The following LOC102723971 variants were observed in gnomAD, a reference collection of about 807,000 sequenced individuals.
At chr9:135,614,926 G>A in the LOC102723971 span, among the ~76,000 whole-genome samples, 7 of 152,278 alleles carry the variant, frequency 4.6e-5, no homozygotes, top group Non-Finnish European at 7.4e-5. Context: ...GGGGTGCAGG[G>A]CTGAGGGAAG....
the LOC102723971 span, chr9:135,616,874 G>C: frequency 2.5e-6 from 1 of 398,564 alleles, no homozygotes; most frequent in Non-Finnish European, 4.4e-6. Context: ...GAGGAGAGAG[G>C]CATCGTGCAT....
chr9:135,614,850 A>G, the LOC102723971 span, among the ~76,000 whole-genome samples: 13 of 152,022 alleles, frequency 8.6e-5, 1 homozygote, highest in East Asian at 1.9e-3. Flanking sequence ...GACACCCGGC[A>G]CAGCACCAGA....
the LOC102723971 span, chr9:135,614,376 G>C: frequency 2.5e-6 from 1 of 395,964 alleles, no homozygotes; most frequent in Non-Finnish European, 4.4e-6. Flanking sequence ...CCAGTCCCCA[G>C]ACTCAGGCCT....
the LOC102723971 span, among the ~76,000 whole-genome samples, chr9:135,615,020 G>A: frequency 6.6e-6 from 1 of 152,202 alleles, no homozygotes; most frequent in African/African-American, 2.4e-5. Context: ...AGTAAGCACA[G>A]CTTATCCTCC....
the LOC102723971 span, among the ~76,000 whole-genome samples, chr9:135,619,704 G>A: frequency 4.8e-4 from 73 of 152,104 alleles, no homozygotes; most frequent in African/African-American, 1.6e-3. Context: ...GAAGGGCGGC[G>A]CCCACTTCTG....
chr9:135,616,355 C>A, the LOC102723971 span, among the ~76,000 whole-genome samples: 3 of 152,332 alleles, frequency 2.0e-5, no homozygotes, highest in East Asian at 5.8e-4. Flanking sequence ...CCATCCCCAG[C>A]ACCCCCTGGG....
chr9:135,618,060 C>G, the LOC102723971 span: 23 of 398,588 alleles, frequency 5.8e-5, no homozygotes, highest in South Asian at 1.3e-4. Context: ...CACTGTCCCC[C>G]AGCCACATCC....
chr9:135,619,177 C>T, the LOC102723971 span, among the ~76,000 whole-genome samples: 2 of 152,146 alleles, frequency 1.3e-5, no homozygotes, highest in African/African-American at 2.4e-5. Flanking sequence ...TCCCTCTGTG[C>T]GTCTCCAGGT....
the LOC102723971 span, among the ~76,000 whole-genome samples, chr9:135,614,795 G>T: frequency 2.6e-5 from 4 of 152,070 alleles, no homozygotes; most frequent in African/African-American, 9.7e-5. Flanking sequence ...TCCCTGTGTG[G>T]CCCCTGGGGT....
chr9:135,614,547 G>A, the LOC102723971 span, among the ~76,000 whole-genome samples: 1 of 152,166 alleles, frequency 6.6e-6, no homozygotes, highest in Non-Finnish European at 1.5e-5. Context: ...CGCGCAGCCA[G>A]CACCAGCGGC....
the LOC102723971 span, chr9:135,616,939 TC>T: frequency 2.5e-6 from 1 of 398,568 alleles, no homozygotes; most frequent in Non-Finnish European, 4.4e-6. Context: ...GTATGCTTCG[TC>T]AGCACCGACT....
the LOC102723971 span, chr9:135,617,883 G>C: frequency 2.5e-6 from 1 of 398,326 alleles, no homozygotes; most frequent in Non-Finnish European, 4.4e-6. Flanking sequence ...CCGCAGAGGA[G>C]GAGGAGGACA....
chr9:135,619,372 T>C, the LOC102723971 span, among the ~76,000 whole-genome samples: 1 of 152,112 alleles, frequency 6.6e-6, no homozygotes, highest in Admixed American at 6.5e-5. Context: ...GTGCCTCCGA[T>C]GCACCCCCCT....
At chr9:135,615,466 C>CGGCGGG in the LOC102723971 span, 1 of 398,726 alleles carries the variant, frequency 2.5e-6, no homozygotes, top group Admixed American at 4.4e-5. Flanking sequence ...GGACCAGGGA[C>CGGCGGG]GGCGGGGACG....
chr9:135,614,775 C>A, the LOC102723971 span, among the ~76,000 whole-genome samples: 1 of 152,068 alleles, frequency 6.6e-6, no homozygotes, highest in African/African-American at 2.4e-5. Flanking sequence ...GGGAGGGTCC[C>A]AGCTCCTCCT....
At chr9:135,617,251 G>A in the LOC102723971 span, among the ~76,000 whole-genome samples, 8 of 152,216 alleles carry the variant, frequency 5.3e-5, no homozygotes, top group African/African-American at 1.7e-4. Context: ...CGTGCACTGC[G>A]GGCCTGCTAC....
chr9:135,618,111 G>C, the LOC102723971 span: 4 of 398,392 alleles, frequency 1.0e-5, no homozygotes, highest in Admixed American at 1.8e-4. Context: ...CTGGGGCCTC[G>C]TCTTCCCAGC....
the LOC102723971 span, chr9:135,616,911 G>A: frequency 2.0e-5 from 8 of 398,518 alleles, 1 homozygote; most frequent in Admixed American, 4.4e-5. Context: ...TCCAACAGTC[G>A]AGGGCGGCAG....
the LOC102723971 span, among the ~76,000 whole-genome samples, chr9:135,619,348 C>T: frequency 6.6e-6 from 1 of 152,128 alleles, no homozygotes; most frequent in Non-Finnish European, 1.5e-5. Context: ...ATGAGTGGAG[C>T]ACTGTAGTCC....
Sources: allele counts gnomAD v4.1 joint callset (sites outside exome capture counted in the v4.1 genomes callset), GRCh38; gene constraint gnomAD v4.1.1; transcripts MANE v1.5.